Variants in SNTB1 observed in about 807,000 individuals in gnomAD.
SNTB1 encodes beta-1-syntrophin.
A neutral mutation model predicts 48.9 loss-of-function variants in SNTB1; 36 were observed. The ratio of observed to expected loss-of-function variants is 0.74; its 90% confidence interval spans 0.56 to 0.97. The LOEUF (loss-of-function observed/expected upper bound fraction) is 0.97. Ranked by LOEUF, SNTB1 falls within the 50% of genes least tolerant of loss-of-function variation. The pLI, the probability that SNTB1 is intolerant of heterozygous loss-of-function variation, is 0.00. For missense variants in SNTB1, 786 were observed against 703.4 expected (o/e 1.12, Z -1.33); for synonymous variants, 299 against 294.6 (o/e 1.01, Z -0.15).
In SNTB1 at chr8:120,738,545, TTTCCTTCCTTCC is replaced by T. The variant is rs201478933; in HGVS notation, c.572-44649_572-44638del. On this transcript the variant is annotated intron_variant, in intron 1 of 6. Coordinates refer to ENST00000517992, the MANE Select transcript of SNTB1 (RefSeq NM_021021.4). ...CCTACCTACCTCCCTTCCTTCCTTCTTTCCTTCCTTCCTTCCTTCCTTCCTTCCTTCCTTCCT... is the reference window on the plus strand; with the variant it reads ...CCTACCTACCTCCCTTCCTTCCTTCTTTCCTTCCTTCCTTCCTTCCTTCCT... Among the ~76,000 whole-genome samples the T allele has an allele frequency of 4.2e-3, 566 of 135,818 alleles. 3 individuals carry two copies. The highest frequency in any genetic ancestry group is 9.2e-3 in the African/African-American group (311 of 33,970). 89.1% of individuals were successfully genotyped at this position (135,818 alleles called of 152,430 possible).
intron 1 of SNTB1, among the ~76,000 whole-genome samples, chr8:120,735,442 G>C (rs750715894): frequency 3.9e-5 from 6 of 152,162 alleles, no homozygotes; most frequent in Non-Finnish European, 7.3e-5. Context: ...CCACAGAACT[G>C]TACTGTATTT....
At chr8:120,613,016 G>A (rs886915620) in intron 3 of SNTB1, among the ~76,000 whole-genome samples, 4 of 152,120 alleles carry the variant, frequency 2.6e-5, no homozygotes, top group African/African-American at 9.7e-5. Flanking sequence ...GGCACAGGAA[G>A]AAAAATATTG....
chr8:120,629,158 C>T (rs1011873679), intron 3 of SNTB1, among the ~76,000 whole-genome samples: 1 of 152,134 alleles, frequency 6.6e-6, no homozygotes, highest in Non-Finnish European at 1.5e-5. Context: ...TCTTGGAGTG[C>T]AGGGAAATTT....
chr8:120,763,078 C>A (rs990043790), intron 1 of SNTB1, among the ~76,000 whole-genome samples: 2 of 152,066 alleles, frequency 1.3e-5, no homozygotes, highest in South Asian at 2.1e-4. Context: ...CACCACTATA[C>A]TGAACTATCT....
intron 1 of SNTB1, among the ~76,000 whole-genome samples, chr8:120,754,415 C>A (rs556171306): frequency 6.6e-6 from 1 of 152,094 alleles, no homozygotes; most frequent in African/African-American, 2.4e-5. Context: ...AGGAGAATTG[C>A]TTGAGCTATA....
chr8:120,670,473 G>A (rs532032229), intron 2 of SNTB1, among the ~76,000 whole-genome samples: 2 of 152,224 alleles, frequency 1.3e-5, no homozygotes, highest in South Asian at 4.1e-4. Context: ...ATATCCGTAT[G>A]AGGACTGAAG....
chr8:120,712,258 T>TA (rs1818475753), intron 1 of SNTB1, among the ~76,000 whole-genome samples: 1 of 151,064 alleles, frequency 6.6e-6, no homozygotes, highest in Admixed American at 6.6e-5. Flanking sequence ...ACTAAAAATA[T>TA]AAAAAAATTA....
At chr8:120,554,032 T>C (rs1462308011) in intron 4 of SNTB1, among the ~76,000 whole-genome samples, 1 of 152,106 alleles carries the variant, frequency 6.6e-6, no homozygotes, top group East Asian at 1.9e-4. Flanking sequence ...AACATATACA[T>C]CAGGTCCTTA....
At chr8:120,596,292 T>C (rs1478547359) in intron 3 of SNTB1, among the ~76,000 whole-genome samples, 4 of 152,250 alleles carry the variant, frequency 2.6e-5, no homozygotes, top group African/African-American at 9.6e-5. Flanking sequence ...ATATTTTCTC[T>C]AATCAGAGAC....
chr8:120,543,432 G>A (rs1486286583), intron 5 of SNTB1, among the ~76,000 whole-genome samples: 2 of 152,274 alleles, frequency 1.3e-5, no homozygotes, highest in East Asian at 3.9e-4. Context: ...ACTCCACTCA[G>A]CTTTATAAAC....
chr8:120,634,504 A>G (rs950573496), intron 2 of SNTB1, among the ~76,000 whole-genome samples: 1 of 152,200 alleles, frequency 6.6e-6, no homozygotes, highest in Non-Finnish European at 1.5e-5. Context: ...CCCATGTTAA[A>G]TTGGCTCAAA....
chr8:120,700,779 G>A (rs922836602), intron 1 of SNTB1, among the ~76,000 whole-genome samples: 4 of 152,176 alleles, frequency 2.6e-5, no homozygotes, highest in African/African-American at 9.7e-5. Flanking sequence ...GAAAGAAAAA[G>A]CACACAGGCT....
chr8:120,801,403 T>C (rs1334822812), intron 1 of SNTB1, among the ~76,000 whole-genome samples: 1 of 152,038 alleles, frequency 6.6e-6, no homozygotes, highest in Non-Finnish European at 1.5e-5. Context: ...CCTTTATAAT[T>C]TATTATTGTT....
At chr8:120,572,965 G>A (rs1367390245) in intron 4 of SNTB1, among the ~76,000 whole-genome samples, 1 of 152,098 alleles carries the variant, frequency 6.6e-6, no homozygotes, top group Non-Finnish European at 1.5e-5. Flanking sequence ...TGGTTGCTGT[G>A]AATAATGTTG....
intron 1 of SNTB1, among the ~76,000 whole-genome samples, chr8:120,791,463 G>A (rs1167385861): frequency 6.6e-6 from 1 of 151,978 alleles, no homozygotes; most frequent in Admixed American, 6.6e-5. Context: ...CAACTGAAAA[G>A]CTTCTGCACA....
At chr8:120,633,843 A>C (rs1817024044) in intron 2 of SNTB1, among the ~76,000 whole-genome samples, 1 of 152,194 alleles carries the variant, frequency 6.6e-6, no homozygotes, top group Non-Finnish European at 1.5e-5. Flanking sequence ...GCCCTTCACC[A>C]GTTTCTCCCA....
chr8:120,578,981 AGGCTG>A lies in SNTB1; in HGVS notation c.997-3761_997-3757del, dbSNP rs1324778928. On this transcript the variant is annotated intron_variant, in intron 3 of 6. Transcript: ENST00000517992. ...CACCTGAGGTTGGGAGTTTGAGACC[AGGCTG>A]GCCAGCATGGTGAAATGCCGTCTCT... Among the ~76,000 whole-genome samples the A allele has an allele frequency of 2.6e-5, 4 of 152,258 alleles. No homozygotes were observed. The East Asian group carries it at 7.7e-4, about 29-fold the overall frequency.
chr8:120,692,518 C>T (rs1818145777), intron 2 of SNTB1, among the ~76,000 whole-genome samples: 1 of 152,114 alleles, frequency 6.6e-6, no homozygotes, highest in Admixed American at 6.5e-5. Flanking sequence ...TTCTCTTCTA[C>T]TGAACTAAAG....
At chr8:120,725,892 A>T (rs1277974405) in intron 1 of SNTB1, among the ~76,000 whole-genome samples, 1 of 152,222 alleles carries the variant, frequency 6.6e-6, no homozygotes, top group African/African-American at 2.4e-5. Context: ...AAATGTATGA[A>T]GTTGATAATT....
Sources: allele counts gnomAD v4.1 joint callset (sites outside exome capture counted in the v4.1 genomes callset), GRCh38; gene constraint gnomAD v4.1.1; transcripts MANE v1.5; gene names NCBI Gene and HGNC (gene_info 2026-07-23, HGNC 2026-07-21).